SNX29: variants seen among roughly 807,000 people sequenced by gnomAD.
The protein encoded by SNX29 is sorting nexin 29, also known as sorting nexin-29.
A neutral mutation model predicts 102.1 loss-of-function variants in SNX29; 78 were observed. That is an observed-to-expected ratio of 0.76 (90% confidence interval 0.64 to 0.92). SNX29 has a LOEUF of 0.92. Ranked by LOEUF, SNX29 falls within the 40% of genes least tolerant of loss-of-function variation. The probability of loss-of-function intolerance (pLI) is 0.00; values close to 1 mark genes in which losing one functional copy is unlikely to be tolerated. For synonymous variants in SNX29, 580 were observed against 414.5 expected, an observed-to-expected ratio of 1.40 and a Z score of -4.85; for missense variants, 1,280 against 1,061.7, an observed-to-expected ratio of 1.21 and a Z score of -2.86.
intron 15 of SNX29, among the ~76,000 whole-genome samples, chr16:12,298,423 G>A (rs1016172439): frequency 6.6e-6 from 1 of 152,194 alleles, no homozygotes; most frequent in Non-Finnish European, 1.5e-5. Context: ...GAACAAGCCT[G>A]TGCAGATTAT....
chr16:12,545,850 C>T (rs533076955), intron 20 of SNX29, among the ~76,000 whole-genome samples: 19 of 152,236 alleles, frequency 1.2e-4, no homozygotes, highest in African/African-American at 4.1e-4. Flanking sequence ...AGCAGATCAC[C>T]TCTCCTTGAG....
At chr16:12,103,078 T>G (rs2053088048) in intron 11 of SNX29, among the ~76,000 whole-genome samples, 1 of 152,162 alleles carries the variant, frequency 6.6e-6, no homozygotes. Flanking sequence ...GGAAAAACAT[T>G]CCATGCTCAT....
chr16:12,444,504 G>T (rs910197305), intron 18 of SNX29, among the ~76,000 whole-genome samples: 3 of 152,234 alleles, frequency 2.0e-5, no homozygotes, highest in African/African-American at 7.2e-5. Context: ...CCCAGATCCT[G>T]GTACATAGTA....
At chr16:12,270,083 A>AT in intron 14 of SNX29, among the ~76,000 whole-genome samples, 1 of 152,076 alleles carries the variant, frequency 6.6e-6, no homozygotes, top group Non-Finnish European at 1.5e-5. Context: ...CTGGTCTCAA[A>AT]TTCCTGACCT....
At chr16:12,559,337 G>A (rs1164939070) in intron 20 of SNX29, among the ~76,000 whole-genome samples, 4 of 151,760 alleles carry the variant, frequency 2.6e-5, no homozygotes, top group South Asian at 2.1e-4. Flanking sequence ...GAGGGATCTA[G>A]GCTGCATGCT....
intron 20 of SNX29, among the ~76,000 whole-genome samples, chr16:12,554,721 C>T (rs188056029): frequency 1.3e-5 from 2 of 152,294 alleles, no homozygotes; most frequent in East Asian, 1.9e-4. Context: ...AGCTGTCTTT[C>T]AGTCTTTCAG....
At chr16:12,446,783 A>C (rs554878410) in intron 18 of SNX29, among the ~76,000 whole-genome samples, 3 of 152,186 alleles carry the variant, frequency 2.0e-5, no homozygotes, top group African/African-American at 7.2e-5. Context: ...TAAGCTCTCA[A>C]TATGAAATGG....
chr16:12,548,051 C>T (rs1567171204), intron 20 of SNX29, among the ~76,000 whole-genome samples: 4 of 152,166 alleles, frequency 2.6e-5, no homozygotes, highest in African/African-American at 7.2e-5. Flanking sequence ...AGCACCACCC[C>T]TGGCACACAC....
intron 15 of SNX29, among the ~76,000 whole-genome samples, chr16:12,280,699 T>C (rs2079403933): frequency 6.6e-6 from 1 of 152,206 alleles, no homozygotes; most frequent in Non-Finnish European, 1.5e-5. Flanking sequence ...CATCTGTGAA[T>C]AGCATTAGCA....
intron 14 of SNX29, among the ~76,000 whole-genome samples, chr16:12,206,940 T>G (rs1487266662): frequency 6.6e-6 from 1 of 151,138 alleles, no homozygotes; most frequent in Non-Finnish European, 1.5e-5. Flanking sequence ...TCAGCAAATA[T>G]GCTACAAATG....
intron 15 of SNX29, among the ~76,000 whole-genome samples, chr16:12,347,638 A>G (rs529032902): frequency 1.3e-5 from 2 of 152,258 alleles, no homozygotes; most frequent in African/African-American, 2.4e-5. Flanking sequence ...TTAGAGTGCT[A>G]TCAGACCCAT....
In SNX29 at chr16:12,427,973, T is replaced by C. The variant is rs2085152382; in HGVS notation, c.2037+24444T>C. ...CCCTGCAGCAGCTTCATTTGCCAAA[T>C]GTGCCTTTTGCCTTTAAAGACACAG... is the stretch of plus-strand genomic sequence containing the variant. On this transcript the variant is annotated intron_variant, in intron 18 of 20. Transcript: ENST00000566228. Among the ~76,000 whole-genome samples the C allele has an allele frequency of 2.0e-5, 3 of 152,268 alleles. No individual in the cohort carries two copies. In the South Asian group the frequency reaches 6.2e-4, roughly 32 times the overall value.
intron 20 of SNX29, among the ~76,000 whole-genome samples, chr16:12,535,669 G>A (rs1214173218): frequency 6.6e-6 from 1 of 152,120 alleles, no homozygotes; most frequent in Non-Finnish European, 1.5e-5. Flanking sequence ...TTCAGGGCTG[G>A]GGCTTTCCAG....
intron 13 of SNX29, among the ~76,000 whole-genome samples, chr16:12,164,522 A>C (rs1386210461): frequency 6.6e-6 from 1 of 152,082 alleles, no homozygotes; most frequent in Non-Finnish European, 1.5e-5. Context: ...ACAAGTATGT[A>C]CTTTTTTGGT....
At chr16:12,555,238 G>A (rs1160119997) in intron 20 of SNX29, among the ~76,000 whole-genome samples, 3 of 151,772 alleles carry the variant, frequency 2.0e-5, no homozygotes, top group South Asian at 2.1e-4. Context: ...AGAAATGGAG[G>A]TGAGAGATGA....
intron 19 of SNX29, among the ~76,000 whole-genome samples, chr16:12,498,301 G>A (rs186095178): frequency 6.6e-6 from 1 of 152,292 alleles, no homozygotes; most frequent in East Asian, 1.9e-4. Context: ...AGGCAAAACA[G>A]CAAGGCAGGG....
chr16:12,537,901 C>G (rs370362245), intron 20 of SNX29, among the ~76,000 whole-genome samples: 10 of 151,176 alleles, frequency 6.6e-5, no homozygotes, highest in Admixed American at 2.6e-4. Context: ...AGGAGAGTCA[C>G]TGGAACCCAG....
chr16:12,296,670 C>T (rs1267481929), intron 15 of SNX29, among the ~76,000 whole-genome samples: 1 of 29,186 alleles, frequency 3.4e-5, no homozygotes, highest in African/African-American at 9.2e-5. Flanking sequence ...GGTACTTCTC[C>T]TACTTAGTGA....
chr16:12,375,635 C>G (rs560386650), intron 16 of SNX29: 1 of 152,350 alleles, frequency 6.6e-6, no homozygotes, highest in Admixed American at 6.5e-5. Flanking sequence ...CTGGAGGCCA[C>G]CCTCGGTTTC....
Sources: gnomAD v4.1 joint callset for allele counts (sites outside exome capture counted in the v4.1 genomes callset) on GRCh38, gnomAD v4.1.1 for gene constraint, MANE v1.5 for transcripts, NCBI Gene and HGNC (gene_info 2026-07-23, HGNC 2026-07-21) for gene names.